HMGCL: variants seen among roughly 807,000 people sequenced by gnomAD.
HMGCL encodes 3-hydroxy-3-methylglutaryl-CoA lyase.
HMGCL carries 26 observed loss-of-function variants against 37.3 expected under a neutral mutation model. The ratio of observed to expected loss-of-function variants is 0.70; its 90% CI spans 0.51 to 0.97. HMGCL has a LOEUF of 0.97. Ranked by LOEUF, HMGCL falls within the 50% of genes least tolerant of loss-of-function variation. HMGCL has a pLI of 0.00. For missense variants in HMGCL, 379 were observed against 398.1 expected, an observed-to-expected ratio of 0.95 and a Z score of 0.41; for synonymous variants, 151 against 148.0, an observed-to-expected ratio of 1.02 and a Z score of -0.15.
intron 5 of HMGCL, 146 bp from the exon 6 acceptor site, chr1:23,810,945 C>T (rs1638509582): frequency 1.4e-6 from 1 of 707,014 alleles, no homozygotes; most frequent in Admixed American, 2.0e-5. Flanking sequence ...TGGTACAATT[C>T]AGTGCCAGGA....
chr1:23,823,179 C>CAAAA (rs60736552), intron 1 of HMGCL, among the ~76,000 whole-genome samples: 32 of 37,214 alleles, frequency 8.6e-4, no homozygotes, highest in African/African-American at 1.9e-3. Context: ...TTCTTCATCT[C>CAAAA]AAAAAAAAAA....
In HMGCL at chr1:23,808,271, G is replaced by C. The variant is rs1445870588; in HGVS notation, c.614C>G (p.Thr205Ser). ...GATCCCTGGGGTGCCCACACCAATG[G>C]TGTCCCCCAGGGAGATCTCGTAGCA... ...MGCYEISLGD[T>S]IGVGTPGIMK... The change falls in exon 7 of 9, where the codon ACC becomes AGC. Residue 205 changes from threonine (T) to serine (S), a missense_variant. Transcript: ENST00000374490. 11 of 1,613,960 alleles carry C rather than the reference G, an allele frequency of 6.8e-6. No homozygotes were observed. In the East Asian group the frequency reaches 2.2e-4, roughly 33 times the overall value.
chr1:23,804,568 AAGAGGCCAC>A (rs1246095045), intron 7 of HMGCL, 43 bp from the exon 8 acceptor site: 1 of 1,611,338 alleles, frequency 6.2e-7, no homozygotes, highest in Admixed American at 1.7e-5. Context: ...TGCTGGGGAC[AAGAGGCCAC>A]AGAGATGAGC....
At chr1:23,820,103 A>G (rs1638685558) in intron 2 of HMGCL, among the ~76,000 whole-genome samples, 1 of 152,132 alleles carries the variant, frequency 6.6e-6, no homozygotes, top group Non-Finnish European at 1.5e-5. Context: ...ATCCCCTTAC[A>G]TGGAATTGCT....
At chr1:23,810,906 C>T (rs1012367692) in intron 5 of HMGCL, 107 bp from the exon 6 acceptor site, 1 of 859,500 alleles carries the variant, frequency 1.2e-6, no homozygotes, top group Non-Finnish European at 2.0e-6. Flanking sequence ...GCAATCAACA[C>T]CTGCAGCTGG....
At chr1:23,804,205 G>A in intron 8 of HMGCL, 195 bp downstream of exon 8, 1 of 664,770 alleles carries the variant, frequency 1.5e-6, no homozygotes, top group East Asian at 2.6e-5. Context: ...CAAACTCCTG[G>A]GCTCAAGTGA....
intron 2 of HMGCL, among the ~76,000 whole-genome samples, chr1:23,819,590 A>G (rs1204289036): frequency 1.3e-5 from 2 of 151,940 alleles, no homozygotes; most frequent in African/African-American, 4.8e-5. Context: ...TTAGCTGGGC[A>G]TGGTGGCAGG....
chr1:23,803,114 A>C (rs1374597045), intron 8 of HMGCL, among the ~76,000 whole-genome samples: 1 of 152,066 alleles, frequency 6.6e-6, no homozygotes. Flanking sequence ...AGCTCACTGC[A>C]ACCTCTGCCT....
Position 23,816,802 on chromosome 1 carries a change from C to T in HMGCL, c.253-32G>A, listed in dbSNP as rs1294403725. 3.1e-6 allele frequency: 4 copies of T among 1,276,882 alleles called. No individual in the cohort carries two copies. In the Admixed American group the frequency reaches 5.0e-5, roughly 16 times the overall value. 79.1% of individuals were successfully genotyped at this position (1,276,882 alleles called of 1,614,324 possible). A position where few individuals can be genotyped will look rare whatever the true frequency, so the allele number is the denominator to read the frequency against. On this transcript the variant is annotated intron_variant, in intron 3 of 8. Coordinates refer to ENST00000374490, the MANE Select transcript of HMGCL (RefSeq NM_000191.3). ...ACCAAGGGAGACATTGCCAAGTCATCACCAAGAGCAGACAGAGAGTTCAGT... is the reference window on the plus strand; with the variant it reads ...ACCAAGGGAGACATTGCCAAGTCATTACCAAGAGCAGACAGAGAGTTCAGT...
chr1:23,819,880 T>C (rs1251372950), intron 2 of HMGCL, among the ~76,000 whole-genome samples: 8 of 152,298 alleles, frequency 5.3e-5, no homozygotes, highest in African/African-American at 1.7e-4. Context: ...TGTACTATTT[T>C]ATAAACTGCT....
chr1:23,821,031 G>A (rs867983386), intron 1 of HMGCL, among the ~76,000 whole-genome samples: 1 of 152,212 alleles, frequency 6.6e-6, no homozygotes, highest in African/African-American at 2.4e-5. Flanking sequence ...GACTCTGTAT[G>A]CTGCTGTATG....
At chr1:23,819,310 C>T (rs1217223585) in intron 2 of HMGCL, among the ~76,000 whole-genome samples, 2 of 152,136 alleles carry the variant, frequency 1.3e-5, no homozygotes, top group Non-Finnish European at 2.9e-5. Context: ...GTATAGTGGC[C>T]ACCACATGGA....
At chr1:23,802,608 C>T in intron 8 of HMGCL, 44 bp from the exon 9 acceptor site, 1 of 1,213,398 alleles carries the variant, frequency 8.2e-7, no homozygotes, top group African/African-American at 1.5e-5. Context: ...ATGGTATGCC[C>T]TCAACACCAG....
At chr1:23,822,475 T>G (rs1638738801) in intron 1 of HMGCL, among the ~76,000 whole-genome samples, 1 of 152,228 alleles carries the variant, frequency 6.6e-6, no homozygotes, top group Admixed American at 6.5e-5. Context: ...TTTACAGATT[T>G]AATCTGGATA....
At chr1:23,820,844 GCCTA>G (rs752565790) in intron 1 of HMGCL, among the ~76,000 whole-genome samples, 43 of 152,250 alleles carry the variant, frequency 2.8e-4, no homozygotes, top group Middle Eastern at 6.8e-3. Flanking sequence ...CTTTTCCACT[GCCTA>G]CCTGACAGCT....
intron 1 of HMGCL, among the ~76,000 whole-genome samples, chr1:23,822,694 T>C (rs1638742529): frequency 6.6e-6 from 1 of 152,088 alleles, no homozygotes; most frequent in Admixed American, 6.6e-5. Flanking sequence ...AGTTGGAAGG[T>C]CCCTGCAACT....
chr1:23,818,643 C>G (rs1446920382), intron 2 of HMGCL, among the ~76,000 whole-genome samples: 1 of 151,946 alleles, frequency 6.6e-6, no homozygotes, highest in African/African-American at 2.4e-5. Context: ...CCTCCGCCTT[C>G]CGGGTTCAAG....
chr1:23,817,479 G>A lies in HMGCL; in HGVS notation c.249C>T (p.Pro83=). ...TTSFVSPKWV[P]QMGDHTEVLK... is the part of the protein sequence containing the mutation. ...TTCATTGAGGGCTAGGGCTCACCTG[G>A]GGAACCCACTTAGGAGACACAAAGC... The change falls in exon 3 of 9, where the codon CCC becomes CCT. Residue 83 remains proline (P), a synonymous_variant. Coordinates refer to ENST00000374490, the MANE Select transcript of HMGCL (RefSeq NM_000191.3). The A allele has an allele frequency of 1.9e-6, 3 of 1,596,182 alleles. No individual in the cohort carries two copies. Among genetic ancestry groups the A allele is most frequent in the Non-Finnish European group, 2.6e-6 (3 of 1,163,702 alleles).
intron 4 of HMGCL, among the ~76,000 whole-genome samples, chr1:23,815,527 G>A (rs1344969080): frequency 1.3e-5 from 2 of 149,314 alleles, no homozygotes; most frequent in Non-Finnish European, 3.0e-5. Flanking sequence ...ACAAAGTCTT[G>A]CTCTGTCACC....
Sources: allele counts gnomAD v4.1 joint callset (sites outside exome capture counted in the v4.1 genomes callset), GRCh38; gene constraint gnomAD v4.1.1; transcripts MANE v1.5; gene names NCBI Gene and HGNC (gene_info 2026-07-23, HGNC 2026-07-21).